Variants in KANSL1 observed in about 807,000 individuals in gnomAD.
KANSL1 encodes the protein MLL1/MLL complex subunit KANSL1.
Under a neutral mutation model 103.6 loss-of-function variants are expected in KANSL1, and 22 were observed. That is an observed-to-expected ratio of 0.21 (90% CI 0.15 to 0.30). The LOEUF (loss-of-function observed/expected upper bound fraction) is 0.30. Among genes scored for constraint, KANSL1 ranks in the 10% least tolerant of loss-of-function variants. The probability of loss-of-function intolerance (pLI) is 1.00; values close to 1 mark genes in which losing one functional copy is unlikely to be tolerated. For missense variants in KANSL1, 1,337 were observed against 1,399.8 expected (o/e 0.96, Z 0.72); for synonymous variants, 600 against 527.6 (o/e 1.14, Z -1.88).
intron 4 of KANSL1, among the ~76,000 whole-genome samples, chr17:46,072,146 A>G (rs2078602904): frequency 6.6e-6 from 1 of 152,182 alleles, no homozygotes; most frequent in Non-Finnish European, 1.5e-5. Flanking sequence ...ATGAAAAGCT[A>G]AAACTAAATA....
chr17:46,049,021 T>C (rs1302880867), intron 7 of KANSL1, among the ~76,000 whole-genome samples: 2 of 152,216 alleles, frequency 1.3e-5, no homozygotes, highest in African/African-American at 4.8e-5. Context: ...GGGAAATCTC[T>C]TAGTTGCAAT....
At chr17:46,140,661 C>G (rs375232824) in intron 2 of KANSL1, among the ~76,000 whole-genome samples, 43 of 152,244 alleles carry the variant, frequency 2.8e-4, no homozygotes, top group East Asian at 2.3e-3. Context: ...CACTGGTCTC[C>G]AGAATATATA....
intron 2 of KANSL1, among the ~76,000 whole-genome samples, chr17:46,104,758 C>A (rs1273832025): frequency 6.6e-6 from 1 of 152,066 alleles, no homozygotes; most frequent in Non-Finnish European, 1.5e-5. Context: ...GGCTGTAGGA[C>A]TGAACATGGA....
chr17:46,127,068 G>A (rs1230100014), intron 2 of KANSL1, among the ~76,000 whole-genome samples: 2 of 152,198 alleles, frequency 1.3e-5, no homozygotes, highest in South Asian at 2.1e-4. Context: ...AGATGACATG[G>A]GGGATTATGG....
At chr17:46,184,112 C>T (rs2046913832) in intron 1 of KANSL1, among the ~76,000 whole-genome samples, 1 of 152,210 alleles carries the variant, frequency 6.6e-6, no homozygotes, top group South Asian at 2.1e-4. Flanking sequence ...TAAACATCTA[C>T]TAAATGCCAG....
chr17:46,156,477 A>T (rs1357383807), intron 2 of KANSL1, among the ~76,000 whole-genome samples: 2 of 152,222 alleles, frequency 1.3e-5, no homozygotes, highest in Non-Finnish European at 2.9e-5. Flanking sequence ...TCTTCCTATC[A>T]CCTCAGCCTA....
In KANSL1 at chr17:46,171,612, C is replaced by T; in HGVS notation, c.532G>A (p.Gly178Arg). The T allele has an allele frequency of 1.9e-6, 3 of 1,578,650 alleles. No individual in the cohort carries two copies. The highest frequency in any genetic ancestry group is 2.6e-6 in the Non-Finnish European group (3 of 1,165,874). Residue 178 changes from glycine to arginine, a missense_variant, in exon 2 of 15, where the codon GGG becomes AGG. By Grantham distance (125) the Gly-to-Arg change is moderately radical. Transcript: ENST00000432791. ...GATGAAGTGAGAGCCCGTTTTCCCC[C>T]ATTGAGGGAAGTGGAATTGTCATGA... ...SDHDNSTSLN[G>R]GKRALTSSAL...
chr17:46,132,515 G>T (rs1207462644), intron 2 of KANSL1, among the ~76,000 whole-genome samples: 1 of 152,162 alleles, frequency 6.6e-6, no homozygotes, highest in Non-Finnish European at 1.5e-5. Flanking sequence ...ATACTCTAGG[G>T]CTCCACTCCA....
At chr17:46,200,921 T>TTGA (rs2047783614) in intron 1 of KANSL1, among the ~76,000 whole-genome samples, 2 of 152,070 alleles carry the variant, frequency 1.3e-5, no homozygotes. Context: ...TTTTTTTTTT[T>TTGA]TGAGACACAG....
intron 2 of KANSL1, chr17:46,152,876 T>C (rs1363640821): frequency 6.6e-6 from 1 of 152,236 alleles, no homozygotes; most frequent in Admixed American, 6.5e-5. Context: ...CAGTGATAAA[T>C]AATTTTAAAT....
intron 2 of KANSL1, among the ~76,000 whole-genome samples, chr17:46,096,677 G>A (rs2042100252): frequency 6.6e-6 from 1 of 151,206 alleles, no homozygotes; most frequent in African/African-American, 2.4e-5. Flanking sequence ...GGAGTCCAGT[G>A]GCATGATCTC....
chr17:46,161,250 T>TAA (rs534754110), intron 2 of KANSL1, among the ~76,000 whole-genome samples: 978 of 79,296 alleles, frequency 0.012, 48 homozygotes, highest in African/African-American at 0.051. Context: ...CCACCTCTAC[T>TAA]AAAAAAAAAA....
chr17:46,035,666 A>G (rs1369890920), intron 10 of KANSL1: 2 of 152,232 alleles, frequency 1.3e-5, no homozygotes, highest in East Asian at 1.9e-4. Context: ...CTGTGCTGAA[A>G]TTATACATCC....
intron 2 of KANSL1, among the ~76,000 whole-genome samples, chr17:46,146,309 T>C (rs934479243): frequency 1.3e-5 from 2 of 152,358 alleles, no homozygotes; most frequent in African/African-American, 4.8e-5. Flanking sequence ...GGGCAAGCCA[T>C]CTTATCAGCT....
chr17:46,066,484 A>G, intron 6 of KANSL1, 53 bp downstream of exon 6: 1 of 1,479,552 alleles, frequency 6.8e-7, no homozygotes, highest in South Asian at 1.4e-5. Context: ...GACTAACTCT[A>G]TCTGAGCATC....
chr17:46,212,084 A>G (rs1217091853), intron 1 of KANSL1, among the ~76,000 whole-genome samples: 1 of 152,160 alleles, frequency 6.6e-6, no homozygotes, highest in Non-Finnish European at 1.5e-5. Flanking sequence ...CTCAGTATGT[A>G]TGTGTGTGTA....
intron 1 of KANSL1, among the ~76,000 whole-genome samples, chr17:46,178,499 T>C (rs1312669617): frequency 1.3e-5 from 2 of 152,246 alleles, no homozygotes; most frequent in African/African-American, 4.8e-5. Context: ...AACTATAATC[T>C]GACAAATACA....
chr17:46,065,123 C>T (rs548834334), intron 6 of KANSL1, among the ~76,000 whole-genome samples: 6 of 139,788 alleles, frequency 4.3e-5, no homozygotes, highest in South Asian at 2.2e-4. Context: ...TACACACGCT[C>T]GCCCACAGCA....
intron 1 of KANSL1, among the ~76,000 whole-genome samples, chr17:46,201,321 C>T (rs1211533527): frequency 6.6e-6 from 1 of 152,192 alleles, no homozygotes; most frequent in African/African-American, 2.4e-5. Flanking sequence ...TGAATATATG[C>T]AGGAGCAACT....
Sources: allele counts gnomAD v4.1 joint callset (sites outside exome capture counted in the v4.1 genomes callset), GRCh38; gene constraint gnomAD v4.1.1; transcripts MANE v1.5; gene names NCBI Gene and HGNC (gene_info 2026-07-23, HGNC 2026-07-21).